Variants in DOCK4 observed in about 807,000 individuals in gnomAD.
The protein encoded by DOCK4 is dedicator of cytokinesis 4.
A neutral mutation model predicts 268.1 loss-of-function variants in DOCK4; 97 were observed. That is an observed-to-expected ratio of 0.36 (90% CI 0.31 to 0.43). The LOEUF (loss-of-function observed/expected upper bound fraction) is 0.43, where lower values mean the gene tolerates loss of function less well. DOCK4 is among the 20% of genes least tolerant of loss of function. The pLI is 1.00. For synonymous variants in DOCK4, 954 were observed against 887.2 expected, an observed-to-expected ratio of 1.08 and a Z score of -1.34; for missense variants, 2,145 against 2,455.7, an observed-to-expected ratio of 0.87 and a Z score of 2.67.
At chr7:111,809,825 C>G (rs1043199337) in intron 28 of DOCK4, among the ~76,000 whole-genome samples, 1 of 152,074 alleles carries the variant, frequency 6.6e-6, no homozygotes, top group Non-Finnish European at 1.5e-5. Flanking sequence ...CTCCTTTTAA[C>G]GTAGAACTTG....
At chr7:111,851,482 A>G (rs1045622011) in intron 23 of DOCK4, among the ~76,000 whole-genome samples, 1 of 151,990 alleles carries the variant, frequency 6.6e-6, no homozygotes, top group African/African-American at 2.4e-5. Context: ...GAAAGAAAAC[A>G]TAGAAGAAAA....
At chr7:112,141,687 G>A (rs1166515727) in intron 1 of DOCK4, among the ~76,000 whole-genome samples, 1 of 152,070 alleles carries the variant, frequency 6.6e-6, no homozygotes, top group Non-Finnish European at 1.5e-5. Context: ...GCAACACTAC[G>A]ACCTCTTTAA....
chr7:111,757,791 G>A (rs1215619831), intron 41 of DOCK4, among the ~76,000 whole-genome samples: 1 of 152,124 alleles, frequency 6.6e-6, no homozygotes, highest in African/African-American at 2.4e-5. Flanking sequence ...ACATTTCCTA[G>A]CTTAAGCAGG....
intron 13 of DOCK4, among the ~76,000 whole-genome samples, chr7:111,914,555 C>G (rs533309778): frequency 2.0e-5 from 3 of 152,274 alleles, no homozygotes; most frequent in Admixed American, 1.3e-4. Context: ...AAACAAGCCA[C>G]GATTCTATGG....
intron 20 of DOCK4, among the ~76,000 whole-genome samples, chr7:111,870,825 G>A (rs1327396119): frequency 2.0e-5 from 3 of 152,298 alleles, no homozygotes; most frequent in South Asian, 4.1e-4. Flanking sequence ...CCAACCGGAA[G>A]TGTGAGAAAT....
At chr7:111,792,497 C>T (rs867835297) in intron 30 of DOCK4, among the ~76,000 whole-genome samples, 3 of 152,134 alleles carry the variant, frequency 2.0e-5, no homozygotes, top group South Asian at 2.1e-4. Flanking sequence ...ATTCTCCTGC[C>T]TCAGCCTCCT....
chr7:111,740,378 G>A (rs2133428034), intron 47 of DOCK4, among the ~76,000 whole-genome samples: 1 of 150,372 alleles, frequency 6.7e-6, no homozygotes, highest in East Asian at 2.1e-4. Flanking sequence ...TGGGATTACA[G>A]GCATGAGCCA....
intron 21 of DOCK4, among the ~76,000 whole-genome samples, chr7:111,868,914 T>C (rs1327578963): frequency 6.6e-6 from 1 of 152,146 alleles, no homozygotes; most frequent in African/African-American, 2.4e-5. Flanking sequence ...ATTCACAAAA[T>C]GCTATTTTAT....
At chr7:111,844,132 G>T (rs557944559) in intron 25 of DOCK4, among the ~76,000 whole-genome samples, 2 of 152,070 alleles carry the variant, frequency 1.3e-5, no homozygotes, top group Non-Finnish European at 2.9e-5. Context: ...AAAATTAGCC[G>T]GGTGTGGTGG....
chr7:112,126,887 A>G (rs568989027), intron 1 of DOCK4, among the ~76,000 whole-genome samples: 3,294 of 152,034 alleles, frequency 0.022, 111 homozygotes, highest in African/African-American at 0.075. Flanking sequence ...GTAGAATGGC[A>G]ATCATTAAAA....
intron 17 of DOCK4, among the ~76,000 whole-genome samples, 195 bp downstream of exon 17, chr7:111,876,835 A>G (rs1386205432): frequency 1.3e-5 from 2 of 151,016 alleles, no homozygotes; most frequent in Non-Finnish European, 2.9e-5. Flanking sequence ...GATAATTCTG[A>G]AGTCCTTCTT....
At chr7:111,737,035 T>A in intron 49 of DOCK4, 46 bp from the exon 50 acceptor site, 1 of 1,521,854 alleles carries the variant, frequency 6.6e-7, no homozygotes, top group Non-Finnish European at 8.9e-7. Context: ...TATACGGGCA[T>A]GTGAAACCTT....
chr7:112,196,759 A>T (rs959555748), intron 1 of DOCK4, among the ~76,000 whole-genome samples: 3 of 152,174 alleles, frequency 2.0e-5, no homozygotes, highest in Non-Finnish European at 4.4e-5. Flanking sequence ...TTTTTAATCC[A>T]GCTTTATTGA....
intron 23 of DOCK4, among the ~76,000 whole-genome samples, chr7:111,856,796 C>A (rs186767819): frequency 6.0e-4 from 91 of 152,242 alleles, no homozygotes; most frequent in African/African-American, 2.0e-3. Flanking sequence ...GAACAAAACA[C>A]TAATGATTTT....
intron 1 of DOCK4, among the ~76,000 whole-genome samples, chr7:112,070,533 G>T (rs575588464): frequency 6.6e-6 from 1 of 152,260 alleles, no homozygotes; most frequent in East Asian, 1.9e-4. Flanking sequence ...TTTAGAACCT[G>T]TGGAATAACA....
chr7:111,868,277 G>T, intron 21 of DOCK4, 123 bp from the exon 22 acceptor site: 1 of 635,102 alleles, frequency 1.6e-6, no homozygotes, highest in Non-Finnish European at 2.4e-6. Context: ...AGACACCAAG[G>T]CCTTGTGAGG....
chr7:112,018,179 A>AAAC, intron 1 of DOCK4, among the ~76,000 whole-genome samples: 2 of 72,588 alleles, frequency 2.8e-5, no homozygotes, highest in African/African-American at 1.1e-4. Flanking sequence ...AAAAAAAAAA[A>AAAC]ACACAGGCAA....
At position 111,935,286 on chromosome 7, in the gene DOCK4, C is replaced by T. The variant is rs1794639494; in HGVS notation, c.1066+254G>A. ...CAATAACAACTTAGGAGTATGAAGA[C>T]TTGGTACCAAAGAACAAATTCAGAT... On this transcript the variant is annotated intron_variant, in intron 12 of 52. Transcript: ENST00000428084. 3 of 483,438 alleles carry T rather than the reference C, an allele frequency of 6.2e-6. 1 individual carries two copies. In the Admixed American group the frequency reaches 8.9e-5, roughly 14 times the overall value. 29.9% of individuals were successfully genotyped at this position (483,438 alleles called of 1,614,324 possible).
At chr7:111,909,450 T>A (rs1264201752) in intron 13 of DOCK4, among the ~76,000 whole-genome samples, 1 of 152,232 alleles carries the variant, frequency 6.6e-6, no homozygotes, top group Admixed American at 6.5e-5. Flanking sequence ...TTTGACTTAT[T>A]TGAACTATAA....
Sources: gnomAD v4.1 joint callset for allele counts (sites outside exome capture counted in the v4.1 genomes callset) on GRCh38, gnomAD v4.1.1 for gene constraint, MANE v1.5 for transcripts, NCBI Gene and HGNC (gene_info 2026-07-23, HGNC 2026-07-21) for gene names.